The following SORCS2 variants were observed in gnomAD, a reference collection of about 807,000 sequenced individuals.
SORCS2 encodes the protein sortilin related VPS10 domain containing receptor 2, also known as VPS10 domain-containing receptor SorCS2.
A neutral mutation model predicts 141.6 loss-of-function variants in SORCS2; 100 were observed. That is an observed-to-expected ratio of 0.71 (90% confidence interval 0.60 to 0.83). The LOEUF (loss-of-function observed/expected upper bound fraction) is 0.83. SORCS2 is among the 40% of genes least tolerant of loss of function. The pLI is 0.00. For missense variants in SORCS2, 1,646 were observed against 1,560.2 expected, an observed-to-expected ratio of 1.05 and a Z score of -0.93; for synonymous variants, 789 against 676.9, an observed-to-expected ratio of 1.17 and a Z score of -2.57.
chr4:7,212,829 G>C (rs554094942), intron 1 of SORCS2, among the ~76,000 whole-genome samples: 2 of 152,386 alleles, frequency 1.3e-5, no homozygotes, highest in East Asian at 1.9e-4. Context: ...TGGAAGAAGA[G>C]AGTGCAGGTT....
intron 2 of SORCS2, among the ~76,000 whole-genome samples, chr4:7,496,728 C>T (rs947958827): frequency 7.2e-5 from 11 of 152,152 alleles, no homozygotes; most frequent in Middle Eastern, 6.8e-3. Flanking sequence ...CAGAAGGGAG[C>T]GAGGCGTGGG....
chr4:7,447,239 G>C (rs1220713154), intron 2 of SORCS2, among the ~76,000 whole-genome samples: 1 of 152,146 alleles, frequency 6.6e-6, no homozygotes, highest in Non-Finnish European at 1.5e-5. Flanking sequence ...GAGGGGAAGG[G>C]TGCCTAGGCC....
At chr4:7,290,894 CCCTGG>C (rs1223999311) in intron 1 of SORCS2, among the ~76,000 whole-genome samples, 6 of 151,708 alleles carry the variant, frequency 4.0e-5, no homozygotes, top group Non-Finnish European at 8.8e-5. Flanking sequence ...CAGACATAGT[CCCTGG>C]CTGGCTGGCT....
At chr4:7,363,057 CCAT>C (rs1465240682) in intron 1 of SORCS2, among the ~76,000 whole-genome samples, 29 of 149,976 alleles carry the variant, frequency 1.9e-4, no homozygotes, top group Middle Eastern at 3.2e-3. Flanking sequence ...ACCACCACCA[CCAT>C]CACTACCGTC....
chr4:7,657,605 GTGGGTGAGTGAGTCACTGAATGAGTTA>G (rs1272147631), intron 5 of SORCS2, among the ~76,000 whole-genome samples: 6 of 151,334 alleles, frequency 4.0e-5, no homozygotes, highest in African/African-American at 1.5e-4. Context: ...GGGTGAGTGA[GTGGGTGAGTGAGTCACTGAATGAGTTA>G]GTGAGTGAGT....
rs187862610 is a variant in SORCS2 at position 7,457,574 on chromosome 4, C to T, written c.548+61219C>T. On this transcript the variant is annotated intron_variant, in intron 2 of 26. Transcript: ENST00000507866. ...TCACAAAGCTGACAGGTGTGAGCTG[C>T]GGTCAGAGGGCCTGGTTCACACCAG... Among the ~76,000 whole-genome samples, 282 of 151,542 alleles carry T rather than the reference C, an allele frequency of 1.9e-3. 3 individuals are homozygous for T. The highest frequency in any genetic ancestry group is 3.2e-3 in the Non-Finnish European group (215 of 67,880).
chr4:7,567,991 A>T (rs73214669), intron 3 of SORCS2, among the ~76,000 whole-genome samples: 11,646 of 152,124 alleles, frequency 0.077, 500 homozygotes, highest in Non-Finnish European at 0.085. Flanking sequence ...TATTTTGTTT[A>T]TGAGCACGTC....
chr4:7,626,911 C>T (rs531388805), intron 3 of SORCS2, among the ~76,000 whole-genome samples: 3 of 152,312 alleles, frequency 2.0e-5, no homozygotes, highest in African/African-American at 7.2e-5. Flanking sequence ...TGTTCCCCAT[C>T]CTCATCCTCG....
At chr4:7,685,748 C>T (rs1016172149) in intron 10 of SORCS2, among the ~76,000 whole-genome samples, 1 of 151,838 alleles carries the variant, frequency 6.6e-6, no homozygotes, top group African/African-American at 2.4e-5. Context: ...GTGTGTGTGG[C>T]CATGGCATCT....
chr4:7,439,955 C>A (rs1727551986), intron 2 of SORCS2, among the ~76,000 whole-genome samples: 1 of 152,120 alleles, frequency 6.6e-6, no homozygotes, highest in East Asian at 1.9e-4. Context: ...TCCGAAGTGA[C>A]CACAGCAGCT....
chr4:7,380,962 G>A lies in SORCS2; in HGVS notation c.481-15326G>A, dbSNP rs183057837. 1.3e-3 allele frequency among the ~76,000 whole-genome samples: 192 copies of A among 151,888 alleles called. 3 individuals carry two copies. Among genetic ancestry groups the A allele is most frequent in the Non-Finnish European group, 5.3e-4 (36 of 67,938 alleles). ...CTGGGTGTGGTGGCAGGTGCCTGTAGTCCCAGCTACTCGGGAGGCTGAGGC... is the reference window on the plus strand; with the variant it reads ...CTGGGTGTGGTGGCAGGTGCCTGTAATCCCAGCTACTCGGGAGGCTGAGGC... On this transcript the variant is annotated intron_variant, in intron 1 of 26. Coordinates refer to ENST00000507866, the MANE Select transcript of SORCS2 (RefSeq NM_020777.3).
rs143490694 is a variant in SORCS2, at chr4:7,389,143, C to G, written c.481-7145C>G. ...GTGAACAAATTCTGTTCCTGCCCATCCTGCCTGCGCTCTTTCCCTCAGTCC... is the reference window on the plus strand; with the variant it reads ...GTGAACAAATTCTGTTCCTGCCCATGCTGCCTGCGCTCTTTCCCTCAGTCC... On this transcript the variant is annotated intron_variant, in intron 1 of 26. Coordinates refer to ENST00000507866, the MANE Select transcript of SORCS2 (RefSeq NM_020777.3). Among the ~76,000 whole-genome samples, 1,006 of 152,246 alleles carry G rather than the reference C, an allele frequency of 6.6e-3. 9 individuals carry two copies. Among genetic ancestry groups the G allele is most frequent in the Middle Eastern group, 0.031 (9 of 294 alleles).
At chr4:7,250,680 G>A (rs1364027661) in intron 1 of SORCS2, among the ~76,000 whole-genome samples, 4 of 152,222 alleles carry the variant, frequency 2.6e-5, no homozygotes, top group East Asian at 3.9e-4. Context: ...TCATGTATTC[G>A]GGGAGTGCGA....
chr4:7,548,795 A>G (rs1009432586), intron 3 of SORCS2, among the ~76,000 whole-genome samples: 3 of 152,160 alleles, frequency 2.0e-5, no homozygotes, highest in African/African-American at 7.2e-5. Context: ...TTCAGCTGCC[A>G]TTTTTCACCA....
intron 1 of SORCS2, among the ~76,000 whole-genome samples, chr4:7,378,032 T>A (rs1467006103): frequency 1.3e-5 from 2 of 152,196 alleles, no homozygotes; most frequent in African/African-American, 4.8e-5. Context: ...AAGAAGGATA[T>A]ATGGTTTTTT....
chr4:7,419,388 G>T (rs1280070566), intron 2 of SORCS2, among the ~76,000 whole-genome samples: 2 of 152,158 alleles, frequency 1.3e-5, no homozygotes, highest in East Asian at 1.9e-4. Flanking sequence ...ACCAGGAAAG[G>T]CTGTGTGAGC....
At chr4:7,492,288 C>T (rs547232479) in intron 2 of SORCS2, among the ~76,000 whole-genome samples, 1 of 152,376 alleles carries the variant, frequency 6.6e-6, no homozygotes, top group African/African-American at 2.4e-5. Context: ...TCTATGGATT[C>T]TGCTCTTTAA....
At chr4:7,571,952 C>T (rs1002764944) in intron 3 of SORCS2, among the ~76,000 whole-genome samples, 1 of 152,180 alleles carries the variant, frequency 6.6e-6, no homozygotes, top group African/African-American at 2.4e-5. Context: ...CGTGCCCTAC[C>T]AGCTGCCTGT....
chr4:7,481,024 T>C (rs2077890937), intron 2 of SORCS2, among the ~76,000 whole-genome samples: 2 of 152,210 alleles, frequency 1.3e-5, no homozygotes, highest in Admixed American at 6.5e-5. Flanking sequence ...AGACCGACTG[T>C]CCTCCCTTTT....
Sources: allele counts gnomAD v4.1 joint callset (sites outside exome capture counted in the v4.1 genomes callset), GRCh38; gene constraint gnomAD v4.1.1; transcripts MANE v1.5; gene names NCBI Gene and HGNC (gene_info 2026-07-23, HGNC 2026-07-21).